The following COL14A1 variants were observed in gnomAD, a reference collection of about 807,000 sequenced individuals.
COL14A1 encodes collagen alpha-1(XIV) chain.
COL14A1 carries 136 observed loss-of-function variants against 230.3 expected under a neutral mutation model. The observed-to-expected ratio is 0.59, with a 90% CI of 0.51 to 0.68. The LOEUF is 0.68. Ranked by LOEUF, COL14A1 falls within the 30% of genes least tolerant of loss-of-function variation. COL14A1 has a pLI of 0.00. For missense variants in COL14A1, 1,976 were observed against 2,215.8 expected, an observed-to-expected ratio of 0.89 and a Z score of 2.17; for synonymous variants, 792 against 784.1, an observed-to-expected ratio of 1.01 and a Z score of -0.17.
chr8:120,252,332 T>C (rs1239741108), intron 22 of COL14A1, among the ~76,000 whole-genome samples: 1 of 152,180 alleles, frequency 6.6e-6, no homozygotes, highest in Non-Finnish European at 1.5e-5. Flanking sequence ...CTGTTATCCC[T>C]CACCCCGCTT....
At chr8:120,348,410 C>T (rs781143421) in intron 45 of COL14A1, among the ~76,000 whole-genome samples, 1 of 151,642 alleles carries the variant, frequency 6.6e-6, no homozygotes, top group Non-Finnish European at 1.5e-5. Context: ...GACGAGCATT[C>T]TAAGTGAATT....
chr8:120,316,252 C>T (rs1157300005), intron 40 of COL14A1, among the ~76,000 whole-genome samples: 4 of 152,172 alleles, frequency 2.6e-5, no homozygotes, highest in Non-Finnish European at 5.9e-5. Context: ...CTCCCATGAC[C>T]TGAATACAGT....
chr8:120,297,440 A>G (rs7357581), intron 34 of COL14A1, 71 bp from the exon 35 acceptor site: 1 of 760,594 alleles, frequency 1.3e-6, no homozygotes, highest in Non-Finnish European at 1.9e-6. Flanking sequence ...TATATAATAC[A>G]TAACATAAAA....
chr8:120,247,503 A>T, intron 20 of COL14A1, 110 bp from the exon 21 acceptor site: 2 of 1,061,380 alleles, frequency 1.9e-6, no homozygotes, highest in Non-Finnish European at 2.6e-6. Flanking sequence ...TTTCACTTTT[A>T]AATATTTTTA....
intron 45 of COL14A1, among the ~76,000 whole-genome samples, chr8:120,348,603 G>T (rs1219380124): frequency 2.0e-5 from 3 of 152,012 alleles, no homozygotes; most frequent in Admixed American, 2.0e-4. Flanking sequence ...GGTGATGGGT[G>T]CACAAAAATC....
Position 120,264,984 on chromosome 8 carries a change from C to T in COL14A1, c.3017-1843C>T, listed in dbSNP as rs145990937. On this transcript the variant is annotated intron_variant, in intron 24 of 47. Coordinates refer to ENST00000297848, the MANE Select transcript of COL14A1 (RefSeq NM_021110.4). ...AGCTCTGTTTGATGTAAATGTTTTC[C>T]TTATGTTGGAGGCATCTGTCTTCTT... Among the ~76,000 whole-genome samples, 169 of 152,212 alleles carry T rather than the reference C, an allele frequency of 1.1e-3. 1 individual carries two copies. Among genetic ancestry groups the T allele is most frequent in the African/African-American group, 3.8e-3 (157 of 41,532 alleles).
At chr8:120,306,729 T>G (rs1053937750) in intron 36 of COL14A1, among the ~76,000 whole-genome samples, 1 of 152,186 alleles carries the variant, frequency 6.6e-6, no homozygotes, top group Non-Finnish European at 1.5e-5. Flanking sequence ...GAAAGTAAGT[T>G]AGAAGTGTAA....
intron 26 of COL14A1, among the ~76,000 whole-genome samples, chr8:120,276,701 G>A (rs1025765612): frequency 2.2e-4 from 33 of 151,792 alleles, no homozygotes; most frequent in African/African-American, 7.2e-4. Flanking sequence ...GGGGGTAAGG[G>A]GGAGGGATAG....
chr8:120,267,921 G>T (rs1287780602), intron 25 of COL14A1, among the ~76,000 whole-genome samples: 2 of 151,742 alleles, frequency 1.3e-5, no homozygotes, highest in Non-Finnish European at 2.9e-5. Context: ...CACATTAGAA[G>T]GTTGTATTGG....
chr8:120,343,417 G>A (rs1417144758), intron 44 of COL14A1, among the ~76,000 whole-genome samples: 3 of 152,208 alleles, frequency 2.0e-5, no homozygotes, highest in Non-Finnish European at 4.4e-5. Flanking sequence ...AAGTTTGGGA[G>A]TTAGGCCAGG....
chr8:120,245,802 G>GCTC (rs1409529807), intron 20 of COL14A1, among the ~76,000 whole-genome samples: 3 of 152,162 alleles, frequency 2.0e-5, no homozygotes, highest in African/African-American at 4.8e-5. Context: ...GCTTCTCCAT[G>GCTC]TGGTCTTTCC....
At chr8:120,198,133 G>C (rs188570325) in intron 7 of COL14A1, among the ~76,000 whole-genome samples, 3 of 152,098 alleles carry the variant, frequency 2.0e-5, no homozygotes, top group Non-Finnish European at 2.9e-5. Context: ...TAATGTCCCA[G>C]GAAGGGCTTG....
chr8:120,284,347 G>A (rs1210712211), intron 32 of COL14A1, among the ~76,000 whole-genome samples: 1 of 152,202 alleles, frequency 6.6e-6, no homozygotes, highest in African/African-American at 2.4e-5. Flanking sequence ...GGTTGGAAAC[G>A]TGAGGAAGAA....
intron 5 of COL14A1, among the ~76,000 whole-genome samples, chr8:120,172,008 T>C (rs1442468166): frequency 6.6e-6 from 1 of 152,200 alleles, no homozygotes; most frequent in African/African-American, 2.4e-5. Context: ...TACATTTGCT[T>C]CTTTTTCAAG....
At chr8:120,180,454 A>G (rs1407217359) in intron 5 of COL14A1, among the ~76,000 whole-genome samples, 6 of 152,216 alleles carry the variant, frequency 3.9e-5, no homozygotes, top group Non-Finnish European at 8.8e-5. Context: ...TTCAGTAGAA[A>G]CACACTCTAA....
chr8:120,253,314 A>AT (rs1278293199), intron 22 of COL14A1, among the ~76,000 whole-genome samples: 1 of 151,862 alleles, frequency 6.6e-6, no homozygotes, highest in Admixed American at 6.6e-5. Context: ...CAGCCCTGTG[A>AT]TTTTTTACTG....
intron 45 of COL14A1, among the ~76,000 whole-genome samples, chr8:120,364,106 C>T (rs902342017): frequency 4.6e-5 from 7 of 151,970 alleles, no homozygotes; most frequent in African/African-American, 9.7e-5. Context: ...TCCTGAGTCT[C>T]GGTGTTTTTG....
rs1820016689 is a variant in COL14A1, at chr8:120,280,926, A to C, written c.3691A>C (p.Lys1231Gln). The part of the protein sequence containing the change: ...HKDGIDLAGF[K>Q]MMEMFGLVEK... ...TACTTTTTTTTTTTTTTTAGGATTT[A>C]AGATGATGGAAATGTTTGGTTTGGT... The change falls in exon 31 of 48, where the codon AAG (lysine) becomes CAG (glutamine). Residue 1231 changes from lysine to glutamine, a missense_variant. Around this residue, in one of 3 missense-constraint regions of COL14A1, gnomAD observed 1,791 missense variants for 2,019.5 expected, o/e 0.89. Transcript: ENST00000297848. 6.3e-7 allele frequency: 1 copy of C among 1,588,248 alleles called. No individual in the cohort carries two copies. Among genetic ancestry groups the C allele is most frequent in the Admixed American group, 1.8e-5 (1 of 55,732 alleles).
intron 5 of COL14A1, among the ~76,000 whole-genome samples, chr8:120,181,621 G>A (rs570158045): frequency 6.6e-6 from 1 of 152,300 alleles, no homozygotes; most frequent in African/African-American, 2.4e-5. Context: ...AGGAAAAAAT[G>A]TCTAAAGGCT....
Sources: allele counts gnomAD v4.1 joint callset (sites outside exome capture counted in the v4.1 genomes callset), GRCh38; gene constraint gnomAD v4.1.1; regional missense constraint gnomAD v4.1.1; transcripts MANE v1.5; gene names NCBI Gene and HGNC (gene_info 2026-07-23, HGNC 2026-07-21).